Variants in SLC16A7 observed in about 807,000 individuals in gnomAD.
The protein encoded by SLC16A7 is solute carrier family 16 member 7.
In SLC16A7, 33 loss-of-function variants were observed where a neutral mutation model predicts 34.9. That is an observed-to-expected ratio of 0.94 (90% confidence interval 0.72 to 1.26). The LOEUF (loss-of-function observed/expected upper bound fraction) is 1.26, where lower values mean the gene tolerates loss of function less well. Ranked by LOEUF, SLC16A7 falls within the 50% of genes most tolerant of loss-of-function variation. The pLI is 0.00. For synonymous variants in SLC16A7, 201 were observed against 206.6 expected (o/e 0.97, Z 0.23); for missense variants, 573 against 578.1 (o/e 0.99, Z 0.09).
At chr12:59,661,030 A>T (rs1010713606) in intron 2 of SLC16A7, among the ~76,000 whole-genome samples, 1 of 152,090 alleles carries the variant, frequency 6.6e-6, no homozygotes, top group Non-Finnish European at 1.5e-5. Flanking sequence ...GAAACTACAT[A>T]CCCGATCATA....
At chr12:59,625,872 GT>G (rs753177066) in intron 1 of SLC16A7, among the ~76,000 whole-genome samples, 38 of 151,840 alleles carry the variant, frequency 2.5e-4, no homozygotes, top group Admixed American at 4.6e-4. Flanking sequence ...CAACTTGTCA[GT>G]TTGGGGAAAA....
At chr12:59,743,685 C>T (rs528935629) in intron 3 of SLC16A7, among the ~76,000 whole-genome samples, 7 of 152,176 alleles carry the variant, frequency 4.6e-5, no homozygotes, top group East Asian at 1.9e-4. Flanking sequence ...CTACTACATC[C>T]AAATATTACA....
intron 2 of SLC16A7, among the ~76,000 whole-genome samples, chr12:59,684,591 A>G (rs1276553834): frequency 2.0e-5 from 3 of 152,104 alleles, no homozygotes; most frequent in Non-Finnish European, 2.9e-5. Flanking sequence ...AAGTGTTAGG[A>G]CAAGGAACAC....
Position 59,777,264 on chromosome 12 carries a change from A to G in SLC16A7, c.1180+1789A>G, listed in dbSNP as rs1222760005. ...GAAACTCTCAGACTGTAGCCATTAT[A>G]TATCCATTTTTTCATTCCATGTCTG... On this transcript the variant is annotated intron_variant, in intron 5 of 5. Transcript: ENST00000547379. Among the ~76,000 whole-genome samples, 3 of 152,204 alleles carry G rather than the reference A, an allele frequency of 2.0e-5. No homozygotes were observed. In the East Asian group the frequency reaches 5.8e-4, roughly 29 times the overall value.
chr12:59,658,761 G>T (rs1481744622), intron 2 of SLC16A7, among the ~76,000 whole-genome samples: 6 of 151,918 alleles, frequency 3.9e-5, no homozygotes, highest in Non-Finnish European at 8.8e-5. Context: ...AAATAATTAG[G>T]CTTTTTCTTT....
chr12:59,625,932 G>A (rs375454454), intron 1 of SLC16A7, among the ~76,000 whole-genome samples: 2 of 151,742 alleles, frequency 1.3e-5, no homozygotes, highest in African/African-American at 2.4e-5. Context: ...TGATAGAATT[G>A]TTACTTAAAG....
rs1310858035 is a variant in SLC16A7 at position 59,640,565 on chromosome 12, C to T, written c.-129-14587C>T. Among the ~76,000 whole-genome samples the T allele has an allele frequency of 2.0e-5, 3 of 152,146 alleles. No homozygotes were observed. The East Asian group carries it at 5.8e-4, about 30-fold the overall frequency. The stretch of plus-strand genomic sequence containing the variant: ...TTCCTAAAATAGTCTCGAATTCTGT[C>T]TATCCAGATAACAAGAGGATCCATG... On this transcript the variant is annotated intron_variant, in intron 1 of 5. Coordinates refer to ENST00000547379, the MANE Select transcript of SLC16A7 (RefSeq NM_001270623.2).
At chr12:59,705,574 A>G (rs1158076691) in intron 3 of SLC16A7, among the ~76,000 whole-genome samples, 1 of 152,180 alleles carries the variant, frequency 6.6e-6, no homozygotes, top group Non-Finnish European at 1.5e-5. Context: ...CTTGGAAATT[A>G]TCTTATTACA....
At chr12:59,765,596 T>C (rs1881519497) in intron 3 of SLC16A7, among the ~76,000 whole-genome samples, 1 of 152,228 alleles carries the variant, frequency 6.6e-6, no homozygotes, top group Non-Finnish European at 1.5e-5. Flanking sequence ...GGGAATCCTT[T>C]CCCCATTTCT....
chr12:59,672,885 C>G (rs1870004543), intron 2 of SLC16A7, among the ~76,000 whole-genome samples: 1 of 152,080 alleles, frequency 6.6e-6, no homozygotes, highest in African/African-American at 2.4e-5. Flanking sequence ...TGTATTCTTA[C>G]CTGGATGGAA....
At chr12:59,724,588 A>T (rs1876013405) in intron 3 of SLC16A7, among the ~76,000 whole-genome samples, 1 of 152,044 alleles carries the variant, frequency 6.6e-6, no homozygotes, top group Admixed American at 6.6e-5. Flanking sequence ...AATTCTAAGT[A>T]ACTATTACTA....
intron 2 of SLC16A7, among the ~76,000 whole-genome samples, chr12:59,666,530 G>C (rs760731296): frequency 1.1e-4 from 16 of 152,138 alleles, no homozygotes; most frequent in Admixed American, 5.2e-4. Flanking sequence ...GAGGGACCTG[G>C]TGGGAGGTAA....
chr12:59,730,818 G>T (rs1204850732), intron 3 of SLC16A7, among the ~76,000 whole-genome samples: 1 of 152,076 alleles, frequency 6.6e-6, no homozygotes, highest in East Asian at 1.9e-4. Context: ...TTTGTTATTA[G>T]ATTTAAGAAA....
At chr12:59,607,118 G>A (rs2136962255) in intron 1 of SLC16A7, among the ~76,000 whole-genome samples, 1 of 152,136 alleles carries the variant, frequency 6.6e-6, no homozygotes, top group African/African-American at 2.4e-5. Flanking sequence ...TTGTGACTTA[G>A]CCTGCAAAAC....
intron 2 of SLC16A7, among the ~76,000 whole-genome samples, chr12:59,690,682 C>A (rs1473356696): frequency 6.6e-6 from 1 of 151,864 alleles, no homozygotes; most frequent in African/African-American, 2.4e-5. Flanking sequence ...GAGGGAGACA[C>A]CACTAAAAAT....
intron 4 of SLC16A7, among the ~76,000 whole-genome samples, chr12:59,771,925 A>G (rs1478561213): frequency 6.6e-6 from 1 of 152,152 alleles, no homozygotes; most frequent in Non-Finnish European, 1.5e-5. Flanking sequence ...AGTGAGCCAC[A>G]CTTTCTTCTA....
chr12:59,718,344 C>T (rs889043740), intron 3 of SLC16A7, among the ~76,000 whole-genome samples: 2 of 152,002 alleles, frequency 1.3e-5, no homozygotes, highest in Admixed American at 6.6e-5. Context: ...AATAACTCAT[C>T]GTTTTTACTA....
At chr12:59,720,158 T>C in intron 3 of SLC16A7, 2 of 668,128 alleles carry the variant, frequency 3.0e-6, no homozygotes, top group Non-Finnish European at 2.7e-6. Flanking sequence ...AAGAACACAA[T>C]TGGAAAGATA....
At chr12:59,738,140 G>T (rs1167699203) in intron 3 of SLC16A7, among the ~76,000 whole-genome samples, 1 of 152,108 alleles carries the variant, frequency 6.6e-6, no homozygotes, top group Non-Finnish European at 1.5e-5. Context: ...GCAGATGTCT[G>T]GTCTAAACTA....
Sources: gnomAD v4.1 joint callset for allele counts (sites outside exome capture counted in the v4.1 genomes callset) on GRCh38, gnomAD v4.1.1 for gene constraint, MANE v1.5 for transcripts, NCBI Gene and HGNC (gene_info 2026-07-23, HGNC 2026-07-21) for gene names.